Variants in CTNNA3 observed in about 807,000 individuals in gnomAD.
CTNNA3 encodes catenin alpha-3.
In CTNNA3, 76 loss-of-function variants were observed where a neutral mutation model predicts 95.7. The observed-to-expected ratio is 0.79, with a 90% confidence interval of 0.66 to 0.96. The LOEUF is 0.96. Among genes scored for constraint, CTNNA3 ranks in the 40% least tolerant of loss-of-function variants. The pLI is 0.00. For missense variants in CTNNA3, 1,191 were observed against 1,089.8 expected (o/e 1.09, Z -1.31); for synonymous variants, 431 against 374.4 (o/e 1.15, Z -1.74).
intron 9 of CTNNA3, among the ~76,000 whole-genome samples, chr10:66,700,732 T>C (rs1564627498): frequency 6.6e-6 from 1 of 152,188 alleles, no homozygotes; most frequent in Non-Finnish European, 1.5e-5. Flanking sequence ...AATTGTTCAT[T>C]TTGTAAGATG....
rs1589482938 is a variant in CTNNA3 at position 66,953,743 on chromosome 10, GA to G, written c.1048-178220del. Reference sequence around the variant, plus strand: ...CTTCTGATATGTTTTATGACATGCTGACACTGTCCTCCTAAGATAATATTAG... The same window carrying G: ...CTTCTGATATGTTTTATGACATGCTGCACTGTCCTCCTAAGATAATATTAG... On this transcript the variant is annotated intron_variant, in intron 7 of 17. Transcript: ENST00000433211. 2.6e-5 allele frequency among the ~76,000 whole-genome samples: 4 copies of G among 152,124 alleles called. No individual in the cohort carries two copies. In the East Asian group the frequency reaches 7.7e-4, roughly 29 times the overall value.
intron 7 of CTNNA3, among the ~76,000 whole-genome samples, chr10:66,913,196 G>C (rs1405455583): frequency 1.7e-5 from 2 of 115,578 alleles, no homozygotes; most frequent in East Asian, 5.5e-4. Flanking sequence ...CCGAGATCGC[G>C]CCACTGCAGT....
intron 6 of CTNNA3, among the ~76,000 whole-genome samples, chr10:67,209,044 TTTG>T (rs149802447): frequency 8.6e-5 from 13 of 151,546 alleles, no homozygotes; most frequent in South Asian, 4.2e-4. Context: ...ATTGTTATTT[TTTG>T]TTGTTGTTGT....
At chr10:66,006,263 T>C (rs1033251318) in intron 15 of CTNNA3, among the ~76,000 whole-genome samples, 4 of 152,056 alleles carry the variant, frequency 2.6e-5, no homozygotes, top group African/African-American at 9.7e-5. Context: ...TCCGCCCGCC[T>C]CGGCCTCCCA....
chr10:66,911,002 A>G (rs1333401723), intron 7 of CTNNA3, among the ~76,000 whole-genome samples: 2 of 152,182 alleles, frequency 1.3e-5, no homozygotes, highest in Non-Finnish European at 2.9e-5. Context: ...CCAAATTTCA[A>G]ACAAGAAGGA....
Position 66,740,450 on chromosome 10 carries a change from T to G in CTNNA3, c.1281+25814A>C, listed in dbSNP as rs145402767. 5.7e-3 allele frequency among the ~76,000 whole-genome samples: 875 copies of G among 152,340 alleles called. 13 individuals are homozygous for G. Among genetic ancestry groups the G allele is most frequent in the African/African-American group, 0.02 (834 of 41,576 alleles). On this transcript the variant is annotated intron_variant, in intron 9 of 17. Coordinates refer to ENST00000433211, the MANE Select transcript of CTNNA3 (RefSeq NM_013266.4). The stretch of plus-strand genomic sequence containing the variant: ...CTACCTTTATGTGATTACACTGTAA[T>G]ATTCAATTTTGTCAAATTATTTTTC...
intron 1 of CTNNA3, among the ~76,000 whole-genome samples, chr10:67,703,536 C>G (rs1351148495): frequency 1.3e-5 from 2 of 152,172 alleles, no homozygotes; most frequent in African/African-American, 4.8e-5. Context: ...ACATGATTAT[C>G]TCAATAGATG....
At chr10:66,211,508 G>A (rs146310916) in intron 13 of CTNNA3, among the ~76,000 whole-genome samples, 2 of 152,116 alleles carry the variant, frequency 1.3e-5, no homozygotes, top group African/African-American at 4.8e-5. Context: ...TGCAGTTGGG[G>A]GATGCTTTGG....
At chr10:66,931,685 TG>T (rs1203763931) in intron 7 of CTNNA3, among the ~76,000 whole-genome samples, 1 of 151,598 alleles carries the variant, frequency 6.6e-6, no homozygotes, top group African/African-American at 2.4e-5. Context: ...TTCATTTCCT[TG>T]GGAAATATAA....
intron 5 of CTNNA3, among the ~76,000 whole-genome samples, chr10:67,490,552 C>T (rs985545812): frequency 6.6e-6 from 1 of 152,096 alleles, no homozygotes; most frequent in East Asian, 1.9e-4. Flanking sequence ...GCAAGCCTAC[C>T]TGGGGAACAA....
intron 5 of CTNNA3, among the ~76,000 whole-genome samples, chr10:67,301,962 C>CAT (rs1840301009): frequency 8.1e-6 from 1 of 123,286 alleles, no homozygotes; most frequent in African/African-American, 4.0e-5. Context: ...GAGCGAGACT[C>CAT]GTCAAGAAAG....
intron 14 of CTNNA3, among the ~76,000 whole-genome samples, chr10:66,092,723 C>T (rs530527604): frequency 1.4e-4 from 21 of 151,846 alleles, no homozygotes; most frequent in South Asian, 2.1e-4. Flanking sequence ...AGGTGGAAAA[C>T]GGGCATTTTT....
intron 5 of CTNNA3, among the ~76,000 whole-genome samples, chr10:67,396,544 C>T (rs918383739): frequency 6.6e-6 from 1 of 152,026 alleles, no homozygotes; most frequent in East Asian, 1.9e-4. Context: ...TTCAACTTCC[C>T]CAAAATTTAA....
At position 67,641,765 on chromosome 10, in the gene CTNNA3, C is replaced by A. The variant is rs370819214; in HGVS notation, c.99+5650G>T. Among the ~76,000 whole-genome samples the A allele has an allele frequency of 8.4e-4, 128 of 152,224 alleles. 2 individuals carry two copies. The East Asian group carries it at 0.02, about 23-fold the overall frequency. On this transcript the variant is annotated intron_variant, in intron 2 of 17. Coordinates refer to ENST00000433211, the MANE Select transcript of CTNNA3 (RefSeq NM_013266.4). The stretch of plus-strand genomic sequence containing the variant: ...AGCAAACTATCGCAAGGACAAAAAA[C>A]CAAACACCACGTGTTCTCACTCATA...
intron 7 of CTNNA3, among the ~76,000 whole-genome samples, chr10:66,960,795 G>A (rs1434300078): frequency 6.6e-6 from 1 of 152,098 alleles, no homozygotes; most frequent in African/African-American, 2.4e-5. Context: ...ATTCCACTTT[G>A]TGACTGCCCT....
intron 9 of CTNNA3, among the ~76,000 whole-genome samples, chr10:66,684,011 A>G (rs1033865136): frequency 6.6e-6 from 1 of 152,192 alleles, no homozygotes; most frequent in Admixed American, 6.5e-5. Flanking sequence ...AGTTTATTTC[A>G]GGGGCTGGAG....
chr10:67,228,358 T>C (rs934289231), intron 5 of CTNNA3, among the ~76,000 whole-genome samples: 26 of 152,176 alleles, frequency 1.7e-4, no homozygotes, highest in African/African-American at 5.1e-4. Context: ...CTCACGCCGG[T>C]AATCCCAGCA....
At chr10:65,940,244 A>G (rs942171039) in intron 17 of CTNNA3, among the ~76,000 whole-genome samples, 2 of 152,178 alleles carry the variant, frequency 1.3e-5, no homozygotes, top group African/African-American at 4.8e-5. Context: ...AGCCACAAGA[A>G]ATTTTAAAGT....
rs531924670 is a variant in CTNNA3 at position 66,532,379 on chromosome 10, A to G, written c.1375-11606T>C. ...GGGGAGGCTGAGGCAGGAGAATGGCATGAACCTGGGAGGCGGAGCTTGCAG... is the reference window on the plus strand; with the variant it reads ...GGGGAGGCTGAGGCAGGAGAATGGCGTGAACCTGGGAGGCGGAGCTTGCAG... On this transcript the variant is annotated intron_variant, in intron 10 of 17. Coordinates refer to ENST00000433211, the MANE Select transcript of CTNNA3 (RefSeq NM_013266.4). Among the ~76,000 whole-genome samples the G allele has an allele frequency of 1.4e-4, 21 of 151,848 alleles. No homozygotes were observed. In the South Asian group the frequency reaches 3.5e-3, roughly 26 times the overall value.
Sources: gnomAD v4.1 joint callset for allele counts (sites outside exome capture counted in the v4.1 genomes callset) on GRCh38, gnomAD v4.1.1 for gene constraint, MANE v1.5 for transcripts, NCBI Gene and HGNC (gene_info 2026-07-23, HGNC 2026-07-21) for gene names.